LRRFIP2: variants seen among roughly 807,000 people sequenced by gnomAD.
The protein encoded by LRRFIP2 is leucine-rich repeat flightless-interacting protein 2.
In LRRFIP2, 109 loss-of-function variants were observed where a neutral mutation model predicts 125.9. That is an observed-to-expected ratio of 0.87 (90% CI 0.74 to 1.01). The LOEUF is 1.01. Among genes scored for constraint, LRRFIP2 ranks in the 50% least tolerant of loss-of-function variants. The pLI, the probability that LRRFIP2 is intolerant of heterozygous loss-of-function variation, is 0.00. For missense variants in LRRFIP2, 850 were observed against 862.3 expected (o/e 0.99, Z 0.18); for synonymous variants, 291 against 293.1 (o/e 0.99, Z 0.07).
chr3:37,144,726 A>G (rs1427612197), intron 2 of LRRFIP2, among the ~76,000 whole-genome samples: 1 of 152,204 alleles, frequency 6.6e-6, no homozygotes, highest in Non-Finnish European at 1.5e-5. Flanking sequence ...ACAATTCATA[A>G]TTTGACAGAA....
intron 1 of LRRFIP2, among the ~76,000 whole-genome samples, chr3:37,165,486 G>A (rs2096457577): frequency 2.0e-5 from 3 of 151,622 alleles, no homozygotes; most frequent in Non-Finnish European, 2.9e-5. Flanking sequence ...GTCAGGCATG[G>A]TGGCTAACGC....
intron 25 of LRRFIP2, among the ~76,000 whole-genome samples, chr3:37,055,596 C>T (rs2110194): frequency 0.32 from 48,940 of 152,024 alleles, 9,802 homozygotes; most frequent in Non-Finnish European, 0.45. Context: ...AATACAAATG[C>T]ACACACAACA....
intron 25 of LRRFIP2, among the ~76,000 whole-genome samples, 160 bp downstream of exon 25, chr3:37,058,630 G>A (rs1401735462): frequency 6.7e-6 from 1 of 150,338 alleles, no homozygotes; most frequent in African/African-American, 2.5e-5. Flanking sequence ...AACGGAGATT[G>A]CACCACTGCA....
At chr3:37,075,858 G>A (rs961907288) in intron 19 of LRRFIP2, among the ~76,000 whole-genome samples, 1 of 152,044 alleles carries the variant, frequency 6.6e-6, no homozygotes, top group Non-Finnish European at 1.5e-5. Flanking sequence ...GACCAAGGGA[G>A]CAGAATAGAG....
chr3:37,103,164 C>A, intron 14 of LRRFIP2, 151 bp from the exon 15 acceptor site: 2 of 573,276 alleles, frequency 3.5e-6, no homozygotes, highest in South Asian at 4.6e-5. Flanking sequence ...TGCAATTAAC[C>A]TACTCAAAAA....
In LRRFIP2 at chr3:37,054,411, C is replaced by T. The variant is rs1187477676; in HGVS notation, c.2055G>A (p.Glu685=). The change falls in exon 27 of 28, where the codon GAG becomes GAA. Residue 685 remains glutamate, a splice_region_variant and synonymous_variant. Coordinates refer to ENST00000336686, the MANE Select transcript of LRRFIP2 (RefSeq NM_006309.4). ...LKAEKRKLQR[E]LRTALDKIEE... ...CCAAGAAACATATTAAAAGAAGTAC[C>T]TCTCGTTGTAGCTTCCGTTTTTCTG... 6.2e-7 allele frequency: 1 copy of T among 1,609,302 alleles called. No individual in the cohort carries two copies. The highest frequency in any genetic ancestry group is 1.3e-5 in the African/African-American group (1 of 74,892).
At chr3:37,147,127 T>C (rs761327877) in intron 2 of LRRFIP2, among the ~76,000 whole-genome samples, 3 of 152,062 alleles carry the variant, frequency 2.0e-5, no homozygotes, top group Non-Finnish European at 2.9e-5. Context: ...CATCACTGAT[T>C]AGAGAAATGC....
intron 2 of LRRFIP2, among the ~76,000 whole-genome samples, chr3:37,134,378 C>A (rs1351328282): frequency 6.6e-6 from 1 of 152,178 alleles, no homozygotes; most frequent in African/African-American, 2.4e-5. Flanking sequence ...CCAGTTCGAG[C>A]CGGTACCTCA....
chr3:37,173,175 G>A (rs184951999), intron 1 of LRRFIP2: 12 of 152,356 alleles, frequency 7.9e-5, no homozygotes, highest in African/African-American at 2.6e-4. Flanking sequence ...TCCAGCCTGG[G>A]CGACAGAGCG....
chr3:37,119,378 C>A (rs2094928321), intron 6 of LRRFIP2, among the ~76,000 whole-genome samples: 1 of 152,056 alleles, frequency 6.6e-6, no homozygotes, highest in Non-Finnish European at 1.5e-5. Flanking sequence ...ACTGCAGATT[C>A]CTTTTTTGTT....
At position 37,094,793 on chromosome 3, in the gene LRRFIP2, C is replaced by T. The variant is rs146375765; in HGVS notation, c.1034G>A (p.Arg345Gln). The change falls in exon 17 of 28, where the codon CGG becomes CAG. Residue 345 changes from arginine (R) to glutamine (Q), a missense_variant and splice_region_variant. Physicochemically the swap from Arg to Gln is conservative, Grantham distance 43 (BLOSUM62 1). Transcript: ENST00000336686. ...IDPDTSLSELRDIYDLKDQIQ... is the reference protein window; with the variant it reads ...IDPDTSLSELQDIYDLKDQIQ... ...AGAAAACCAAAAACTTCAGTTTACC[C>T]GCAATTCACTTAATGAAGTGTCTGG... The T allele has an allele frequency of 1.5e-4, 240 of 1,608,300 alleles. No homozygotes were observed. The highest frequency in any genetic ancestry group is 1.9e-4 in the Non-Finnish European group (228 of 1,175,224).
At chr3:37,054,656 C>A in intron 26 of LRRFIP2, 141 bp from the exon 27 acceptor site, 1 of 625,528 alleles carries the variant, frequency 1.6e-6, no homozygotes, top group South Asian at 2.2e-5. Context: ...TAAGTCCTCT[C>A]AGAACTCAGT....
intron 2 of LRRFIP2, among the ~76,000 whole-genome samples, chr3:37,144,209 G>T (rs1013364764): frequency 5.9e-5 from 9 of 152,220 alleles, no homozygotes; most frequent in African/African-American, 2.2e-4. Context: ...ACATGAACAA[G>T]AAGGACACAT....
intron 6 of LRRFIP2, 121 bp from the exon 7 acceptor site, chr3:37,115,216 A>C (rs1369192634): frequency 3.1e-6 from 2 of 651,692 alleles, no homozygotes; most frequent in Non-Finnish European, 5.3e-6. Context: ...AAAAATTATT[A>C]AACATGAAAG....
chr3:37,110,864 T>C (rs2094522870), intron 9 of LRRFIP2, 127 bp downstream of exon 9: 2 of 697,880 alleles, frequency 2.9e-6, no homozygotes, highest in East Asian at 5.6e-5. Flanking sequence ...ATAAATTCAG[T>C]TACCAAAAAC....
intron 24 of LRRFIP2, among the ~76,000 whole-genome samples, chr3:37,061,143 T>G (rs909198398): frequency 1.3e-5 from 2 of 152,146 alleles, no homozygotes; most frequent in Non-Finnish European, 2.9e-5. Flanking sequence ...GCTCGAGATA[T>G]GACGTGCCTG....
In LRRFIP2 at chr3:37,071,758, C is replaced by G. The variant is rs116558380; in HGVS notation, c.1464+1032G>C. Among the ~76,000 whole-genome samples the G allele has an allele frequency of 6.2e-3, 950 of 152,302 alleles. 7 individuals carry two copies. The highest frequency in any genetic ancestry group is 0.021 in the African/African-American group (874 of 41,568). Reference sequence around the variant, plus strand: ...ACTTTTCTTACATGTTCTATTTCCTCTGCCCTTCCCTGACAAGGTAAGCCT... The same window carrying G: ...ACTTTTCTTACATGTTCTATTTCCTGTGCCCTTCCCTGACAAGGTAAGCCT... On this transcript the variant is annotated intron_variant, in intron 21 of 27. Coordinates refer to ENST00000336686, the MANE Select transcript of LRRFIP2 (RefSeq NM_006309.4).
chr3:37,060,344 T>G lies in LRRFIP2; in HGVS notation c.1750-1434A>C, dbSNP rs1284102959. 6.6e-6 allele frequency among the ~76,000 whole-genome samples: 1 copy of G among 152,232 alleles called. No homozygotes were observed. The highest frequency in any genetic ancestry group is 6.5e-5 in the Admixed American group (1 of 15,282). ...GTTTGTTTGAGACAGGGTCTCGCTCTGTGGCCCAGACTGGAGTGCAGTGGC... is the reference window on the plus strand; with the variant it reads ...GTTTGTTTGAGACAGGGTCTCGCTCGGTGGCCCAGACTGGAGTGCAGTGGC... On this transcript the variant is annotated intron_variant, in intron 24 of 27. Coordinates refer to ENST00000336686, the MANE Select transcript of LRRFIP2 (RefSeq NM_006309.4). This position sits in a 1 kb window ranked among gnomAD's most constrained non-coding sequence, Gnocchi z 4.1.
At chr3:37,127,901 C>G (rs998430507) in intron 3 of LRRFIP2, among the ~76,000 whole-genome samples, 1 of 152,160 alleles carries the variant, frequency 6.6e-6, no homozygotes, top group Non-Finnish European at 1.5e-5. Flanking sequence ...CATTTAATAA[C>G]TGTCTCATTC....
Sources: allele counts gnomAD v4.1 joint callset (sites outside exome capture counted in the v4.1 genomes callset), GRCh38; gene constraint gnomAD v4.1.1; non-coding constraint Gnocchi (gnomAD v3.1); transcripts MANE v1.5; gene names NCBI Gene and HGNC (gene_info 2026-07-23, HGNC 2026-07-21).